The following MPZL2 variants were observed in gnomAD, a reference collection of about 807,000 sequenced individuals.
MPZL2 encodes the protein myelin protein zero-like protein 2.
Under a neutral mutation model 24.5 loss-of-function variants are expected in MPZL2, and 32 were observed. The observed-to-expected ratio is 1.31, with a 90% CI of 0.99 to 1.76. MPZL2 has a LOEUF of 1.76. MPZL2 is among the 40% of genes most tolerant of loss of function. MPZL2 has a pLI of 0.00. For synonymous variants in MPZL2, 92 were observed against 97.9 expected (o/e 0.94, Z 0.36); for missense variants, 304 against 274.9 (o/e 1.11, Z -0.75).
intron 3 of MPZL2, among the ~76,000 whole-genome samples, chr11:118,261,630 G>T (rs1213503364): frequency 6.6e-6 from 1 of 152,164 alleles, no homozygotes; most frequent in East Asian, 1.9e-4. Context: ...AGGAAAATAA[G>T]ACTTATTGAT....
At chr11:118,262,783 C>T (rs748351313) in intron 2 of MPZL2, 135 bp from the exon 3 acceptor site, 45 of 1,344,168 alleles carry the variant, frequency 3.3e-5, no homozygotes, top group African/African-American at 4.3e-5. Flanking sequence ...TCCCCTTCAA[C>T]GGCCTCTCAG....
intron 3 of MPZL2, 101 bp downstream of exon 3, chr11:118,262,337 C>A: frequency 1.6e-6 from 2 of 1,251,202 alleles, no homozygotes; most frequent in South Asian, 2.6e-5. Flanking sequence ...CTCTATCCAT[C>A]ACAAAAGATT....
intron 2 of MPZL2, 114 bp downstream of exon 2, chr11:118,262,817 G>A (rs1188378526): frequency 1.3e-5 from 18 of 1,427,290 alleles, no homozygotes; most frequent in Admixed American, 9.3e-5. Flanking sequence ...AATTGTTTCC[G>A]AGCTTAACCT....
At chr11:118,262,240 C>T (rs1949704867) in intron 3 of MPZL2, among the ~76,000 whole-genome samples, 198 bp downstream of exon 3, 1 of 152,184 alleles carries the variant, frequency 6.6e-6, no homozygotes, top group Admixed American at 6.5e-5. Flanking sequence ...CTGTTTCTTT[C>T]CACAGCCAAA....
chr11:118,262,997 G>A lies in MPZL2; in HGVS notation c.159C>T (p.Ala53=), dbSNP rs780447297. The change falls in exon 2 of 6, where the codon GCC becomes GCT. Residue 53 remains alanine (A), a synonymous_variant. Transcript: ENST00000278937. ...TCACTGTTAGAGCATCACCCACAGG[G>A]GCAAAGCTGGAGAAAGTGCATTTTA... is the stretch of plus-strand genomic sequence containing the variant. ...ARLKCTFSSF[A]PVGDALTVTW... is the part of the protein sequence containing the mutation. The A allele has an allele frequency of 5.2e-5, 84 of 1,614,036 alleles. No homozygotes were observed. The highest frequency in any genetic ancestry group is 5.4e-5 in the Non-Finnish European group (64 of 1,180,026).
chr11:118,257,730 C>G (rs1715450), intron 4 of MPZL2: 87,390 of 153,926 alleles, frequency 0.57, 25,262 homozygotes, highest in South Asian at 0.74. Flanking sequence ...AGTTCTGTTT[C>G]GCCAGGCGCG....
Position 118,262,629 on chromosome 11 carries a change from T to A in MPZL2, c.245A>T (p.Asp82Val). Residue 82 changes from aspartate to valine, a missense_variant, in exon 3 of 6, where the codon GAT becomes GTT. By Grantham distance (152) the Asp-to-Val change is radical. Transcript: ENST00000278937. The stretch of plus-strand genomic sequence containing the variant: ...CCGCCCACTCATGGGTTGGAAGGGA[T>A]CTATGTGGTAGTAGAATACCTAGAG... The part of the protein sequence containing the change: ...PEQFVFYYHI[D>V]PFQPMSGRFK... 1 of 1,613,860 alleles carries A rather than the reference T, an allele frequency of 6.2e-7. No homozygotes were observed. The highest frequency in any genetic ancestry group is 1.1e-5 in the South Asian group (1 of 91,050).
At position 118,262,949 on chromosome 11, in the gene MPZL2, G is replaced by A. The variant is rs140274135; in HGVS notation, c.207C>T (p.Asp69=). ...LTVTWNFRPL[D]GGPEQFVFYY... ...TACTTACAAACTGCTCAGGTCCCCC[G>A]TCTAGAGGACGAAAATTCCAGGTCA... The change falls in exon 2 of 6, where the codon GAC becomes GAT. Residue 69 remains aspartate, a synonymous_variant. Coordinates refer to ENST00000278937, the MANE Select transcript of MPZL2 (RefSeq NM_005797.4). 2,315 of 1,614,154 alleles carry A rather than the reference G, an allele frequency of 1.4e-3. 24 individuals carry two copies. The Admixed American group carries it at 0.027, about 19-fold the overall frequency.
intron 3 of MPZL2, 50 bp from the exon 4 acceptor site, chr11:118,260,251 A>G: frequency 6.4e-7 from 1 of 1,564,574 alleles, no homozygotes; most frequent in Non-Finnish European, 8.7e-7. Context: ...AGAGGACTAC[A>G]ATGAAATCTA....
At chr11:118,259,982 A>G in intron 4 of MPZL2, 72 bp downstream of exon 4, 1 of 1,559,736 alleles carries the variant, frequency 6.4e-7, no homozygotes, top group Non-Finnish European at 8.8e-7. Flanking sequence ...TTCAGCAACT[A>G]TTTAGCCCAC....
At position 118,257,308 on chromosome 11, in the gene MPZL2, T is replaced by A; in HGVS notation, c.590A>T (p.Glu197Val). Residue 197 changes from glutamate (E) to valine (V), a missense_variant, in exon 5 of 6, where the codon GAA becomes GTA. Glu to Val is a moderately radical substitution (Grantham distance 121, BLOSUM62 -2). Transcript: ENST00000278937. The stretch of plus-strand genomic sequence containing the variant: ...TTTCTCTTGGTTGAGCCTTTCCTCT[T>A]CTTTTCTGTAACAAGCAGAAACCAA... ...AHKVVEIKSKEEERLNQEKKV... is the reference protein window; with the variant it reads ...AHKVVEIKSKVEERLNQEKKV... The A allele has an allele frequency of 6.2e-7, 1 of 1,611,570 alleles. No homozygotes were observed. Among genetic ancestry groups the A allele is most frequent in the Non-Finnish European group, 8.5e-7 (1 of 1,178,760 alleles).
In MPZL2 at chr11:118,264,170, TGGCCCCAGAGACCGGAC is replaced by T. The variant is rs767372288; in HGVS notation, c.-34_-18del. The T allele has an allele frequency of 8.7e-6, 14 of 1,613,854 alleles. No homozygotes were observed. In the African/African-American group the frequency reaches 9.3e-5, roughly 11 times the overall value. On this transcript the variant is annotated 5_prime_UTR_variant, in exon 1 of 6. Transcript: ENST00000278937. ...GCCATACATGAGGGAAACCCAGCCT[TGGCCCCAGAGACCGGAC>T]GGGGCAGACCGAGGGCTCCAACACC...
intron 4 of MPZL2, among the ~76,000 whole-genome samples, chr11:118,259,045 A>T (rs1949681258): frequency 1.3e-5 from 2 of 151,366 alleles, no homozygotes; most frequent in African/African-American, 4.8e-5. Flanking sequence ...GTTGAGGAGG[A>T]TGGGGAGAAA....
intron 3 of MPZL2, 60 bp downstream of exon 3, chr11:118,262,378 C>A: frequency 6.5e-7 from 1 of 1,533,988 alleles, no homozygotes; most frequent in Non-Finnish European, 9.0e-7. Flanking sequence ...ACAAAGATTG[C>A]CCCTTTCTTT....
intron 3 of MPZL2, among the ~76,000 whole-genome samples, chr11:118,261,865 C>T (rs867892996): frequency 4.6e-5 from 7 of 152,196 alleles, no homozygotes; most frequent in African/African-American, 1.7e-4. Flanking sequence ...GACTTAACCT[C>T]TGTGAGCCTC....
At position 118,253,544 on chromosome 11, in the gene MPZL2, CTTGACTAT is replaced by C. The variant is rs977115379; in HGVS notation, c.*1694_*1701del. ...ACTAAACAACAGGCCCATATTACCC[CTTGACTAT>C]TTAGCCAAGACATAAGCTACAAATT... On this transcript the variant is annotated 3_prime_UTR_variant, in exon 6 of 6. Transcript: ENST00000278937. 2 of 152,142 alleles carry C rather than the reference CTTGACTAT, an allele frequency of 1.3e-5. No homozygotes were observed. Among genetic ancestry groups the C allele is most frequent in the Non-Finnish European group, 1.5e-5 (1 of 67,998 alleles). 9.4% of individuals were successfully genotyped at this position (152,142 alleles called of 1,614,324 possible). A position where few individuals can be genotyped will look rare whatever the true frequency, so the allele number is the denominator to read the frequency against.
chr11:118,262,257 C>T (rs1949704969), intron 3 of MPZL2, among the ~76,000 whole-genome samples, 181 bp downstream of exon 3: 1 of 152,152 alleles, frequency 6.6e-6, no homozygotes, highest in African/African-American at 2.4e-5. Context: ...CAAACAAAGC[C>T]TTTCTCTTTT....
At chr11:118,260,010 C>T (rs953199410) in intron 4 of MPZL2, 44 bp downstream of exon 4, 41 of 1,605,744 alleles carry the variant, frequency 2.6e-5, no homozygotes, top group South Asian at 4.4e-5. Flanking sequence ...TACCAAGAGT[C>T]GCCATAAGAG....
Position 118,262,931 on chromosome 11 carries a change from A to G in MPZL2, c.225T>C (p.Phe75=). The change falls in exon 2 of 6, where the codon TTT becomes TTC. Residue 75 remains phenylalanine (F), a splice_region_variant and synonymous_variant. Transcript: ENST00000278937. Reference sequence around the variant, plus strand: ...TGGAAAATGATGATAATCTACTTACAAACTGCTCAGGTCCCCCGTCTAGAG... The same window carrying G: ...TGGAAAATGATGATAATCTACTTACGAACTGCTCAGGTCCCCCGTCTAGAG... ...FRPLDGGPEQ[F]VFYYHIDPFQ... The G allele has an allele frequency of 1.2e-6, 2 of 1,613,650 alleles. No homozygotes were observed. The highest frequency in any genetic ancestry group is 1.7e-6 in the Non-Finnish European group (2 of 1,179,834).
Sources: allele counts gnomAD v4.1 joint callset (sites outside exome capture counted in the v4.1 genomes callset), GRCh38; gene constraint gnomAD v4.1.1; transcripts MANE v1.5; gene names NCBI Gene and HGNC (gene_info 2026-07-23, HGNC 2026-07-21).